The following NRG1 variants were observed in gnomAD, a reference collection of about 807,000 sequenced individuals.
NRG1 encodes the protein pro-neuregulin-1, membrane-bound isoform.
NRG1 carries 18 observed loss-of-function variants against 63.8 expected under a neutral mutation model. The observed-to-expected ratio is 0.28, with a 90% CI of 0.19 to 0.42. The LOEUF (loss-of-function observed/expected upper bound fraction) is 0.42, where lower values mean the gene tolerates loss of function less well. NRG1 is among the 10% of genes least tolerant of loss of function. The pLI, the probability that NRG1 is intolerant of heterozygous loss-of-function variation, is 1.00. For synonymous variants in NRG1, 302 were observed against 301.3 expected, an observed-to-expected ratio of 1.00 and a Z score of -0.02; for missense variants, 762 against 814.7, an observed-to-expected ratio of 0.94 and a Z score of 0.79.
intron 1 of NRG1, among the ~76,000 whole-genome samples, chr8:32,505,975 C>A (rs1411701679): frequency 6.6e-6 from 1 of 152,106 alleles, no homozygotes. Context: ...AGAGGTGAGG[C>A]GTGGTGGCTC....
chr8:32,605,537 C>T, intron 2 of NRG1, 25 bp from the exon 3 acceptor site: 1 of 1,611,830 alleles, frequency 6.2e-7, no homozygotes. Context: ...TATATACTGA[C>T]ACCACTTTGG....
intron 1 of NRG1, among the ~76,000 whole-genome samples, chr8:32,584,893 A>G (rs544299283): frequency 1.3e-5 from 2 of 150,250 alleles, no homozygotes; most frequent in East Asian, 3.9e-4. Flanking sequence ...TTGCTAACTC[A>G]TCTTACCTGG....
intron 1 of NRG1, among the ~76,000 whole-genome samples, chr8:32,179,827 A>T (rs1455977540): frequency 1.3e-5 from 2 of 152,144 alleles, no homozygotes; most frequent in Non-Finnish European, 2.9e-5. Context: ...TCCTATGGTT[A>T]TAGTATTTAG....
chr8:31,639,724 C>A (rs1160358353), intron 1 of NRG1: 3 of 1,362,228 alleles, frequency 2.2e-6, no homozygotes, highest in East Asian at 3.1e-5. Context: ...GCGGCGGCAG[C>A]GGTTTTTTTG....
At chr8:32,148,730 G>A (rs1230936409) in intron 1 of NRG1, among the ~76,000 whole-genome samples, 6 of 152,158 alleles carry the variant, frequency 3.9e-5, no homozygotes, top group Non-Finnish European at 7.3e-5. Context: ...GGAACATTTG[G>A]TATCCTCTGG....
chr8:32,046,720 A>G (rs971696120), intron 1 of NRG1, among the ~76,000 whole-genome samples: 4 of 152,024 alleles, frequency 2.6e-5, no homozygotes, highest in Non-Finnish European at 4.4e-5. Context: ...TAGAATTTCA[A>G]CAAGGCAGAG....
At chr8:32,424,565 G>A (rs1817108685) in intron 1 of NRG1, among the ~76,000 whole-genome samples, 1 of 152,120 alleles carries the variant, frequency 6.6e-6, no homozygotes, top group Admixed American at 6.6e-5. Context: ...CCTCTTACTA[G>A]TTTTAGAATC....
chr8:31,900,197 A>C (rs1441494905), intron 1 of NRG1, among the ~76,000 whole-genome samples: 9 of 152,232 alleles, frequency 5.9e-5, no homozygotes, highest in Admixed American at 2.6e-4. Flanking sequence ...TATACAGTCC[A>C]GTATGTGAAA....
intron 1 of NRG1, among the ~76,000 whole-genome samples, chr8:32,540,024 A>G (rs1832417847): frequency 6.6e-6 from 1 of 152,216 alleles, no homozygotes; most frequent in Non-Finnish European, 1.5e-5. Flanking sequence ...TAAACAAAAA[A>G]AATCTGAGAG....
At chr8:32,419,524 A>G (rs1816405833) in intron 1 of NRG1, among the ~76,000 whole-genome samples, 1 of 152,236 alleles carries the variant, frequency 6.6e-6, no homozygotes, top group African/African-American at 2.4e-5. Flanking sequence ...TGCCCTATAA[A>G]TACCCAAGTC....
chr8:32,282,689 T>G (rs904586362), intron 1 of NRG1, among the ~76,000 whole-genome samples: 2 of 152,216 alleles, frequency 1.3e-5, no homozygotes, highest in Non-Finnish European at 2.9e-5. Flanking sequence ...GATTTAAGAA[T>G]CTTCAACAGG....
intron 1 of NRG1, among the ~76,000 whole-genome samples, chr8:31,788,080 C>A (rs557772394): frequency 1.7e-3 from 256 of 152,130 alleles, no homozygotes; most frequent in Middle Eastern, 6.8e-3. Flanking sequence ...TCAGTGATTG[C>A]AAAGCTTGTG....
exon 12 of NRG1, chr8:32,763,788 G>A (rs151138012): frequency 1.2e-4 from 182 of 1,581,748 alleles, no homozygotes; most frequent in Non-Finnish European, 1.5e-4. Flanking sequence ...TATGTCACCT[G>A]TAGATTTCCA....
At chr8:31,709,344 T>A (rs1026480798) in intron 1 of NRG1, among the ~76,000 whole-genome samples, 1 of 152,132 alleles carries the variant, frequency 6.6e-6, no homozygotes, top group Non-Finnish European at 1.5e-5. Context: ...TCACATTTCA[T>A]ATAACGAATT....
At chr8:32,104,307 TATAAA>T (rs1412685634) in intron 1 of NRG1, among the ~76,000 whole-genome samples, 22 of 152,188 alleles carry the variant, frequency 1.4e-4, no homozygotes, top group Non-Finnish European at 2.5e-4. Flanking sequence ...TAAAATATGG[TATAAA>T]AGATTTTATT....
chr8:31,944,211 A>G (rs1164745141), intron 1 of NRG1, among the ~76,000 whole-genome samples: 1 of 152,174 alleles, frequency 6.6e-6, no homozygotes, highest in Non-Finnish European at 1.5e-5. Context: ...GTCTAGATAG[A>G]TCTTGTCTAA....
intron 1 of NRG1, among the ~76,000 whole-genome samples, chr8:32,422,710 G>T (rs779940572): frequency 6.6e-6 from 1 of 152,202 alleles, no homozygotes; most frequent in Non-Finnish European, 1.5e-5. Flanking sequence ...CCTTGCCAAC[G>T]TTGGGTATTG....
chr8:32,753,515 T>C (rs1829112567), intron 7 of NRG1, among the ~76,000 whole-genome samples: 1 of 152,236 alleles, frequency 6.6e-6, no homozygotes, highest in Admixed American at 6.5e-5. Flanking sequence ...GAATGTGCAC[T>C]CTATTCCAAA....
rs57478389 is a variant in NRG1, at chr8:32,634,099, TAAAAAAA to T, written c.502+17227_502+17233del. On this transcript the variant is annotated intron_variant, in intron 5 of 11. Coordinates refer to ENST00000356819, the Ensembl canonical transcript of NRG1. Reference sequence around the variant, plus strand: ...TTTGAGGCTGAGCAAGATCTTGTCTTAAAAAAAAAAAAAAAAAAAGGTTGCATAAAGC... The same window carrying T: ...TTTGAGGCTGAGCAAGATCTTGTCTTAAAAAAAAAAAAGGTTGCATAAAGC... 8.4e-4 allele frequency among the ~76,000 whole-genome samples: 73 copies of T among 86,768 alleles called. 3 individuals are homozygous for T. The highest frequency in any genetic ancestry group is 4.5e-3 in the African/African-American group (67 of 15,040). 56.9% of individuals were successfully genotyped at this position (86,768 alleles called of 152,430 possible). A position where few individuals can be genotyped will look rare whatever the true frequency, so the allele number is the denominator to read the frequency against.
Sources: allele counts gnomAD v4.1 joint callset (sites outside exome capture counted in the v4.1 genomes callset), GRCh38; gene constraint gnomAD v4.1.1; transcripts MANE v1.5; gene names NCBI Gene and HGNC (gene_info 2026-07-23, HGNC 2026-07-21).